Variants in CC2D2A observed in about 807,000 individuals in gnomAD.
The protein encoded by CC2D2A is coiled-coil and C2 domain containing 2A.
A neutral mutation model predicts 212.9 loss-of-function variants in CC2D2A; 155 were observed. The ratio of observed to expected loss-of-function variants is 0.73; its 90% CI spans 0.64 to 0.83. The LOEUF (loss-of-function observed/expected upper bound fraction) is 0.83. Ranked by LOEUF, CC2D2A falls within the 40% of genes least tolerant of loss-of-function variation. CC2D2A has a pLI of 0.00. For synonymous variants in CC2D2A, 667 were observed against 686.5 expected (o/e 0.97, Z 0.44); for missense variants, 1,856 against 1,956.2 (o/e 0.95, Z 0.97).
At position 15,500,951 on chromosome 4, in the gene CC2D2A, C is replaced by T. The variant is rs540620745; in HGVS notation, c.248-1478C>T. Among the ~76,000 whole-genome samples, 12 of 152,262 alleles carry T rather than the reference C, an allele frequency of 7.9e-5. No homozygotes were observed. In the South Asian group the frequency reaches 2.5e-3, roughly 32 times the overall value. On this transcript the variant is annotated intron_variant, in intron 4 of 36. Transcript: ENST00000424120. ...TGGCCCCTCTCCCAGAGCTTGGTGT[C>T]CTGGACAAGCACCTGCGACTTATCT...
Position 15,557,472 on chromosome 4 carries a change from G to C in CC2D2A, c.2794G>C (p.Val932Leu). 6.2e-7 allele frequency: 1 copy of C among 1,610,760 alleles called. No homozygotes were observed. The highest frequency in any genetic ancestry group is 8.5e-7 in the Non-Finnish European group (1 of 1,178,590). ...PEFRNYKQVP[V>L]YDREIMEKVF... ...ATTCCGAAATTATAAGCAAGTTCCA[G>C]TCTATGACCGAGAAATTATGGAAAA... Residue 932 changes from valine to leucine, a missense_variant, in exon 21 of 37, where the codon GTC (valine) becomes CTC (leucine). By Grantham distance (32) the Val-to-Leu change is conservative. Coordinates refer to ENST00000424120, the MANE Select transcript of CC2D2A (RefSeq NM_001378615.1).
At chr4:15,547,558 G>C (rs1239712795) in intron 17 of CC2D2A, among the ~76,000 whole-genome samples, 1 of 152,120 alleles carries the variant, frequency 6.6e-6, no homozygotes, top group Admixed American at 6.5e-5. Context: ...GAGGCCAGGG[G>C]TGCTGCTAAG....
At chr4:15,495,536 A>G (rs866655086) in intron 4 of CC2D2A, among the ~76,000 whole-genome samples, 1 of 152,186 alleles carries the variant, frequency 6.6e-6, no homozygotes, top group Non-Finnish European at 1.5e-5. Context: ...CTCCAGCTCC[A>G]TCTATGTTGC....
intron 31 of CC2D2A, 61 bp from the exon 32 acceptor site, chr4:15,587,755 C>A (rs1247691910): frequency 2.2e-6 from 2 of 901,936 alleles, no homozygotes; most frequent in African/African-American, 3.3e-5. Flanking sequence ...TAGAATCCTG[C>A]ACAACCAATC....
chr4:15,574,045 A>C, intron 28 of CC2D2A, 105 bp from the exon 29 acceptor site: 1 of 926,366 alleles, frequency 1.1e-6, no homozygotes, highest in South Asian at 1.8e-5. Flanking sequence ...TGCCAGTCTG[A>C]GCAATTTTGG....
chr4:15,495,007 T>C (rs537511919), intron 4 of CC2D2A, among the ~76,000 whole-genome samples: 47 of 152,214 alleles, frequency 3.1e-4, no homozygotes, highest in Non-Finnish European at 5.6e-4. Context: ...GGTATACAGA[T>C]CATTTTGTCA....
intron 29 of CC2D2A, chr4:15,576,271 C>T (rs1309997930): frequency 2.5e-6 from 1 of 392,644 alleles, no homozygotes; most frequent in Admixed American, 6.4e-5. Context: ...AAACACTGCT[C>T]AGTGATTCAC....
At chr4:15,500,101 G>GTATATATA (rs1222191394) in intron 4 of CC2D2A, among the ~76,000 whole-genome samples, 92 of 71,062 alleles carry the variant, frequency 1.3e-3, no homozygotes, top group South Asian at 2.1e-3. Flanking sequence ...GTGTGTGTGT[G>GTATATATA]TGTGTGTATA....
Position 15,601,409 on chromosome 4 carries a change from T to C in CC2D2A, c.4847T>C (p.Leu1616Pro). Residue 1616 changes from leucine to proline, a missense_variant, in exon 37 of 37, where the codon CTT (leucine) becomes CCT (proline). Leu to Pro is a moderately conservative substitution (Grantham distance 98, BLOSUM62 -3). This residue lies in a region of CC2D2A where 285 missense variants were observed against 278.4 expected (regional missense o/e 1.02). Transcript: ENST00000424120. ...TCTGTTTGGATCTATGTTGCCTCTCTTATACGCAACAGGTAATTTTTTTCA... is the reference window on the plus strand; with the variant it reads ...TCTGTTTGGATCTATGTTGCCTCTCCTATACGCAACAGGTAATTTTTTTCA... ...VLSVWIYVASLIRNR is the reference protein window; with the variant it reads ...VLSVWIYVASPIRNR 1 of 1,502,826 alleles carries C rather than the reference T, an allele frequency of 6.7e-7. No individual in the cohort carries two copies. The allele number at this position is 1,502,826 out of a possible 1,614,324, so 93.1% of individuals were successfully genotyped here. A position where few individuals can be genotyped will look rare whatever the true frequency, so the allele number is the denominator to read the frequency against.
chr4:15,573,139 C>CGAGTT (rs1720243267), intron 28 of CC2D2A, among the ~76,000 whole-genome samples: 2 of 151,986 alleles, frequency 1.3e-5, no homozygotes, highest in African/African-American at 4.8e-5. Flanking sequence ...TCAGTCCAAT[C>CGAGTT]GATACTTAAC....
At chr4:15,501,544 T>A (rs1456544364) in intron 4 of CC2D2A, among the ~76,000 whole-genome samples, 1 of 152,174 alleles carries the variant, frequency 6.6e-6, no homozygotes, top group Non-Finnish European at 1.5e-5. Flanking sequence ...CCTTCTGCAA[T>A]CTTGAGTCCT....
At chr4:15,511,579 T>G in intron 8 of CC2D2A, 156 bp downstream of exon 8, 1 of 591,598 alleles carries the variant, frequency 1.7e-6, no homozygotes, top group Non-Finnish European at 2.7e-6. Flanking sequence ...TGAATTCACA[T>G]GGCTCCCTGT....
intron 30 of CC2D2A, among the ~76,000 whole-genome samples, chr4:15,585,276 A>T (rs1286404032): frequency 4.6e-5 from 7 of 152,222 alleles, no homozygotes; most frequent in Admixed American, 4.6e-4. Flanking sequence ...GAATAAAGAA[A>T]ATGTGGTAAA....
Position 15,601,494 on chromosome 4 carries a change from T to C in CC2D2A, c.*69T>C. ...GGATATGAGAAAATTTTAAATTATATGCATCACATCAGAAGAACATATTAT... is the reference window on the plus strand; with the variant it reads ...GGATATGAGAAAATTTTAAATTATACGCATCACATCAGAAGAACATATTAT... On this transcript the variant is annotated 3_prime_UTR_variant, in exon 37 of 37. Coordinates refer to ENST00000424120, the MANE Select transcript of CC2D2A (RefSeq NM_001378615.1). 3.3e-6 allele frequency: 3 copies of C among 922,754 alleles called. No homozygotes were observed. Among genetic ancestry groups the C allele is most frequent in the East Asian group, 5.5e-5 (2 of 36,654 alleles). 57.2% of individuals were successfully genotyped at this position (922,754 alleles called of 1,614,324 possible).
chr4:15,595,283 G>T (rs757964596), intron 33 of CC2D2A, among the ~76,000 whole-genome samples: 2 of 152,180 alleles, frequency 1.3e-5, no homozygotes, highest in Non-Finnish European at 2.9e-5. Context: ...ACTACTGTAT[G>T]CCAGGAGCTA....
At chr4:15,532,934 T>C (rs1230815153) in intron 13 of CC2D2A, among the ~76,000 whole-genome samples, 1 of 152,230 alleles carries the variant, frequency 6.6e-6, no homozygotes, top group East Asian at 1.9e-4. Context: ...TGACTATTTG[T>C]TGAAGGATGC....
intron 1 of CC2D2A, among the ~76,000 whole-genome samples, chr4:15,474,363 C>G (rs1714030181): frequency 6.6e-6 from 1 of 152,116 alleles, no homozygotes; most frequent in African/African-American, 2.4e-5. Flanking sequence ...ATGGCATGTT[C>G]TCACTTATGT....
At chr4:15,534,185 C>CT (rs1482800319) in intron 14 of CC2D2A, among the ~76,000 whole-genome samples, 10 of 152,162 alleles carry the variant, frequency 6.6e-5, no homozygotes, top group Admixed American at 1.3e-4. Flanking sequence ...ATCTTGTTAT[C>CT]TTTTTTGGTA....
intron 1 of CC2D2A, among the ~76,000 whole-genome samples, chr4:15,474,541 C>CTTAATAATATATT: frequency 6.6e-6 from 1 of 151,508 alleles, no homozygotes; most frequent in African/African-American, 2.4e-5. Flanking sequence ...AATGAAAGGA[C>CTTAATAATATATT]TATAGTTAAT....
Sources: allele counts gnomAD v4.1 joint callset (sites outside exome capture counted in the v4.1 genomes callset), GRCh38; gene constraint gnomAD v4.1.1; regional missense constraint gnomAD v4.1.1; transcripts MANE v1.5; gene names NCBI Gene and HGNC (gene_info 2026-07-23, HGNC 2026-07-21).